TASP1: variants seen among roughly 807,000 people sequenced by gnomAD.
The protein encoded by TASP1 is threonine aspartase 1.
A neutral mutation model predicts 56.6 loss-of-function variants in TASP1; 16 were observed. That is an observed-to-expected ratio of 0.28 (90% confidence interval 0.19 to 0.43). TASP1 has a LOEUF of 0.43. Ranked by LOEUF, TASP1 falls within the 20% of genes least tolerant of loss-of-function variation. The pLI, the probability that TASP1 is intolerant of heterozygous loss-of-function variation, is 1.00. For synonymous variants in TASP1, 179 were observed against 184.2 expected (o/e 0.97, Z 0.23); for missense variants, 393 against 511.6 (o/e 0.77, Z 2.24).
At chr20:13,592,010 A>G (rs983667032) in intron 4 of TASP1, among the ~76,000 whole-genome samples, 13 of 152,210 alleles carry the variant, frequency 8.5e-5, no homozygotes, top group African/African-American at 3.1e-4. Flanking sequence ...TAAATCCTCA[A>G]AAGATAGCAT....
chr20:13,217,648 T>C, the TASP1 span, among the ~76,000 whole-genome samples: 1 of 152,180 alleles, frequency 6.6e-6, no homozygotes, highest in Non-Finnish European at 1.5e-5. Flanking sequence ...ACACCTATAG[T>C]ACAAGCACTC....
At chr20:13,313,925 T>TA in the TASP1 span, among the ~76,000 whole-genome samples, 1 of 152,180 alleles carries the variant, frequency 6.6e-6, no homozygotes, top group East Asian at 1.9e-4. Context: ...AGCAGAGAGA[T>TA]AAAAAATTCT....
chr20:13,299,288 C>A, the TASP1 span: 2 of 1,612,458 alleles, frequency 1.2e-6, no homozygotes, highest in Non-Finnish European at 1.7e-6. The surrounding 1 kb of genome is among the most constrained non-coding windows in gnomAD (Gnocchi z 5.8). Context: ...TCATCAGCAC[C>A]GAGTTCTCCG....
chr20:13,110,731 C>T, the TASP1 span, among the ~76,000 whole-genome samples: 3 of 152,080 alleles, frequency 2.0e-5, no homozygotes, highest in African/African-American at 7.2e-5. Context: ...AATTCTTGTT[C>T]CAGAGCCAGC....
At chr20:13,174,232 G>C in the TASP1 span, among the ~76,000 whole-genome samples, 3 of 152,120 alleles carry the variant, frequency 2.0e-5, no homozygotes, top group Admixed American at 2.0e-4. Flanking sequence ...GGCATGTTCA[G>C]GTCTTTTAAA....
intron 7 of TASP1, among the ~76,000 whole-genome samples, chr20:13,564,053 A>C (rs2046434542): frequency 6.6e-6 from 1 of 152,172 alleles, no homozygotes; most frequent in South Asian, 2.1e-4. Context: ...AAGTACTAGA[A>C]CTAGAAGTCC....
intron 10 of TASP1, among the ~76,000 whole-genome samples, chr20:13,520,798 CT>C (rs1210977036): frequency 6.6e-6 from 1 of 152,154 alleles, no homozygotes; most frequent in Non-Finnish European, 1.5e-5. Flanking sequence ...TAAAGAGCTT[CT>C]GCACAGCAAA....
the TASP1 span, among the ~76,000 whole-genome samples, chr20:13,323,195 G>C: frequency 2.0e-5 from 3 of 152,144 alleles, no homozygotes; most frequent in Non-Finnish European, 4.4e-5. Flanking sequence ...AAGAATAAGA[G>C]AGTCGGTAGG....
At chr20:13,380,778 A>G in the TASP1 span, among the ~76,000 whole-genome samples, 1 of 152,150 alleles carries the variant, frequency 6.6e-6, no homozygotes, top group African/African-American at 2.4e-5. Context: ...CCCTGCCCAG[A>G]GAGGAGGAAT....
At chr20:13,122,799 T>C in the TASP1 span, among the ~76,000 whole-genome samples, 48 of 152,290 alleles carry the variant, frequency 3.2e-4, no homozygotes, top group African/African-American at 1.1e-3. Context: ...AAAATGTCTC[T>C]CTTTTCCTTT....
At chr20:13,221,032 C>T in the TASP1 span, among the ~76,000 whole-genome samples, 1 of 152,236 alleles carries the variant, frequency 6.6e-6, no homozygotes, top group East Asian at 2.0e-4. Flanking sequence ...CCGTGACAAC[C>T]TCGGTGTGCC....
chr20:13,591,078 G>A (rs2047514557), intron 4 of TASP1, among the ~76,000 whole-genome samples: 1 of 150,066 alleles, frequency 6.7e-6, no homozygotes. Flanking sequence ...AAAAGGAGGA[G>A]GAAAAGAAAG....
At chr20:13,540,790 G>C (rs1042969217) in intron 8 of TASP1, among the ~76,000 whole-genome samples, 1 of 152,006 alleles carries the variant, frequency 6.6e-6, no homozygotes, top group Non-Finnish European at 1.5e-5. Context: ...TAGGAGTATT[G>C]GTTACATGGT....
chr20:13,134,419 TG>T, the TASP1 span, among the ~76,000 whole-genome samples: 2 of 152,196 alleles, frequency 1.3e-5, no homozygotes, highest in Admixed American at 1.3e-4. Flanking sequence ...TCACTGATGT[TG>T]GGGAAAGTTC....
chr20:13,158,741 C>G, the TASP1 span, among the ~76,000 whole-genome samples: 2 of 152,194 alleles, frequency 1.3e-5, no homozygotes, highest in Admixed American at 1.3e-4. Flanking sequence ...GCCAGAGAGG[C>G]TGTGTGTCTT....
chr20:13,398,374 A>T (rs1473889036), intron 13 of TASP1, among the ~76,000 whole-genome samples: 1 of 141,004 alleles, frequency 7.1e-6, no homozygotes, highest in Non-Finnish European at 1.6e-5. Context: ...CTCTCTCTTT[A>T]AAAAAAAAAA....
intron 4 of TASP1, among the ~76,000 whole-genome samples, chr20:13,608,640 C>T (rs752425239): frequency 2.4e-4 from 37 of 152,220 alleles, no homozygotes; most frequent in Admixed American, 3.9e-4. Flanking sequence ...TCTCTGGTGT[C>T]ATGAAATATT....
intron 10 of TASP1, among the ~76,000 whole-genome samples, chr20:13,500,826 G>A (rs568142562): frequency 1.2e-4 from 19 of 152,044 alleles, no homozygotes; most frequent in East Asian, 7.7e-4. Context: ...GAGAGAACAC[G>A]CCAGAATAAA....
At chr20:13,164,980 G>C in the TASP1 span, 1 of 834,806 alleles carries the variant, frequency 1.2e-6, no homozygotes, top group South Asian at 1.8e-5. Context: ...TTGGTTCCCA[G>C]ACCAGCTTGA....
Sources: gnomAD v4.1 joint callset for allele counts (sites outside exome capture counted in the v4.1 genomes callset) on GRCh38, gnomAD v4.1.1 for gene constraint, Gnocchi (gnomAD v3.1) non-coding constraint, MANE v1.5 for transcripts, NCBI Gene and HGNC (gene_info 2026-07-23, HGNC 2026-07-21) for gene names.